Variants in ADGRL2 observed in about 807,000 individuals in gnomAD.
The protein encoded by ADGRL2 is calcium-independent alpha-latrotoxin receptor 2.
Under a neutral mutation model 157.4 loss-of-function variants are expected in ADGRL2, and 44 were observed. The ratio of observed to expected loss-of-function variants is 0.28; its 90% CI spans 0.22 to 0.36. The LOEUF is 0.36. Ranked by LOEUF, ADGRL2 falls within the 10% of genes least tolerant of loss-of-function variation. ADGRL2 has a pLI of 1.00. For missense variants in ADGRL2, 1,510 were observed against 1,768.9 expected (o/e 0.85, Z 2.63); for synonymous variants, 585 against 624.7 (o/e 0.94, Z 0.95).
intron 1 of ADGRL2, among the ~76,000 whole-genome samples, chr1:81,370,425 C>A (rs747777122): frequency 6.6e-6 from 1 of 152,008 alleles, no homozygotes; most frequent in Non-Finnish European, 1.5e-5. Flanking sequence ...TAGGGGAATG[C>A]TTTTGTCTGT....
intron 1 of ADGRL2, among the ~76,000 whole-genome samples, chr1:81,724,428 G>T (rs2084441737): frequency 6.6e-6 from 1 of 152,164 alleles, no homozygotes; most frequent in Non-Finnish European, 1.5e-5. Flanking sequence ...AATTATAAAT[G>T]AGATAATCCA....
intron 1 of ADGRL2, among the ~76,000 whole-genome samples, chr1:81,432,666 C>T (rs2077342514): frequency 1.3e-5 from 2 of 152,086 alleles, no homozygotes; most frequent in African/African-American, 2.4e-5. Context: ...CTTCCTGCCC[C>T]CCTCCTCGGC....
In ADGRL2 at chr1:81,356,971, A is replaced by AAAAAAAAAAAAGAAG. The variant is rs80327519; in HGVS notation, c.-302+50464_-302+50465insAAAAAAAAAGAAGAA. ...CCGTCTCAAAAAAAAAAAAAAAAAAAAAGAAGTTGTTTCCTTTTAAAGCTC... is the reference window on the plus strand; with the variant it reads ...CCGTCTCAAAAAAAAAAAAAAAAAAAAAAAAAAAAAAGAAGAAGAAGTTGTTTCCTTTTAAAGCTC... On this transcript the variant is annotated intron_variant, in intron 1 of 24. Transcript: ENST00000370721. Among the ~76,000 whole-genome samples the AAAAAAAAAAAAGAAG allele has an allele frequency of 3.3e-3, 332 of 99,278 alleles. 11 individuals carry two copies. The highest frequency in any genetic ancestry group is 5.3e-3 in the Non-Finnish European group (259 of 48,764). The allele number at this position is 99,278 out of a possible 152,430, so 65.1% of individuals were successfully genotyped here.
intron 2 of ADGRL2, among the ~76,000 whole-genome samples, chr1:81,903,441 G>T (rs1218400798): frequency 6.6e-6 from 1 of 151,858 alleles, no homozygotes; most frequent in African/African-American, 2.4e-5. Flanking sequence ...ATCAGAGAAG[G>T]GTTCTGGAGT....
intron 11 of ADGRL2, 127 bp downstream of exon 11, chr1:81,956,187 G>T (rs60593183): frequency 1.5e-6 from 1 of 653,928 alleles, no homozygotes; most frequent in Admixed American, 4.1e-5. Context: ...ATTTTTGTCT[G>T]TTACCAAGAG....
intron 1 of ADGRL2, among the ~76,000 whole-genome samples, chr1:81,315,046 T>C (rs1660011684): frequency 6.6e-6 from 1 of 152,216 alleles, no homozygotes; most frequent in Non-Finnish European, 1.5e-5. Context: ...AGCCTTAATA[T>C]AAATGTCTTC....
At chr1:81,921,257 A>G (rs1012471455) in intron 3 of ADGRL2, among the ~76,000 whole-genome samples, 5 of 152,206 alleles carry the variant, frequency 3.3e-5, no homozygotes, top group African/African-American at 1.2e-4. Flanking sequence ...TTTTATGAGT[A>G]TACTACTTTA....
chr1:81,338,830 C>G (rs978407233), intron 1 of ADGRL2, among the ~76,000 whole-genome samples: 4 of 152,178 alleles, frequency 2.6e-5, no homozygotes, highest in African/African-American at 9.6e-5. Flanking sequence ...GTCCAACCTC[C>G]TAACAAGTTT....
intron 2 of ADGRL2, among the ~76,000 whole-genome samples, chr1:81,843,314 G>A (rs1047290295): frequency 2.6e-5 from 4 of 151,982 alleles, no homozygotes; most frequent in African/African-American, 9.7e-5. Flanking sequence ...TGTATTTTTA[G>A]TAGACACGGG....
chr1:81,954,335 G>T (rs1652787360), intron 10 of ADGRL2, among the ~76,000 whole-genome samples: 1 of 151,668 alleles, frequency 6.6e-6, no homozygotes, highest in Admixed American at 6.6e-5. Flanking sequence ...ATTAATAAAA[G>T]CATGCCATTA....
intron 1 of ADGRL2, chr1:81,427,335 G>T: frequency 1.4e-6 from 1 of 727,596 alleles, no homozygotes; most frequent in Non-Finnish European, 2.5e-6. Flanking sequence ...GGTTATAGTA[G>T]TAGAGGGGGC....
At chr1:81,323,185 G>T (rs922054917) in intron 1 of ADGRL2, among the ~76,000 whole-genome samples, 2 of 151,704 alleles carry the variant, frequency 1.3e-5, no homozygotes, top group African/African-American at 4.8e-5. Context: ...TGCCATTTTG[G>T]CAAGCACTGT....
intron 2 of ADGRL2, among the ~76,000 whole-genome samples, chr1:81,492,975 A>T (rs766758534): frequency 6.6e-6 from 1 of 152,224 alleles, no homozygotes; most frequent in Non-Finnish European, 1.5e-5. Context: ...AATGTGTAAT[A>T]TGTATTTTTA....
upstream of ADGRL2, among the ~76,000 whole-genome samples, chr1:81,699,304 A>G (rs1053442049): frequency 5.3e-5 from 8 of 152,206 alleles, no homozygotes; most frequent in African/African-American, 1.9e-4. Flanking sequence ...CTAAAAAGGA[A>G]ACAAACAGAA....
chr1:81,684,022 G>A (rs2083178064), intron 3 of ADGRL2, among the ~76,000 whole-genome samples: 1 of 151,902 alleles, frequency 6.6e-6, no homozygotes, highest in Non-Finnish European at 1.5e-5. Context: ...TCACCATGTT[G>A]GTCAGGCTGG....
rs551238896 is a variant in ADGRL2 at position 81,462,792 on chromosome 1, T to C, written c.-248+17703T>C. ...TTATATTTATTTTGTAGAAAATCAT[T>C]TATCAGAAAAAGGGTAAAAAAATTA... On this transcript the variant is annotated intron_variant, in intron 2 of 24. Coordinates refer to the ADGRL2 transcript ENST00000370721. Among the ~76,000 whole-genome samples the C allele has an allele frequency of 4.4e-3, 668 of 152,192 alleles. 7 individuals carry two copies. Among genetic ancestry groups the C allele is most frequent in the African/African-American group, 0.015 (630 of 41,534 alleles).
intron 2 of ADGRL2, among the ~76,000 whole-genome samples, chr1:81,792,680 T>C (rs970604566): frequency 5.9e-5 from 9 of 152,124 alleles, no homozygotes; most frequent in Admixed American, 2.0e-4. Context: ...ATTTTCTATA[T>C]ACATAAACAT....
At chr1:81,429,799 G>T (rs995425119) in intron 1 of ADGRL2, among the ~76,000 whole-genome samples, 2 of 152,170 alleles carry the variant, frequency 1.3e-5, no homozygotes, top group Non-Finnish European at 2.9e-5. Context: ...GCAACGTTTC[G>T]GGTAATGGAG....
intron 2 of ADGRL2, among the ~76,000 whole-genome samples, chr1:81,888,508 C>T (rs1258121670): frequency 2.0e-5 from 3 of 152,084 alleles, no homozygotes; most frequent in East Asian, 1.9e-4. Context: ...GGTGCAATCT[C>T]GCTCACTGCA....
Sources: gnomAD v4.1 joint callset for allele counts (sites outside exome capture counted in the v4.1 genomes callset) on GRCh38, gnomAD v4.1.1 for gene constraint, MANE v1.5 for transcripts, NCBI Gene and HGNC (gene_info 2026-07-23, HGNC 2026-07-21) for gene names.